The following PRKAG2 variants were observed in gnomAD, a reference collection of about 807,000 sequenced individuals.
The protein encoded by PRKAG2 is protein kinase AMP-activated non-catalytic subunit gamma 2, also known as 5'-AMP-activated protein kinase subunit gamma-2.
In PRKAG2, 26 loss-of-function variants were observed where a neutral mutation model predicts 69.6. The observed-to-expected ratio is 0.37, with a 90% CI of 0.27 to 0.52. PRKAG2 has a LOEUF of 0.52. Ranked by LOEUF, PRKAG2 falls within the 20% of genes least tolerant of loss-of-function variation. The pLI is 0.90. For missense variants in PRKAG2, 557 were observed against 740.0 expected (o/e 0.75, Z 2.87); for synonymous variants, 293 against 285.0 (o/e 1.03, Z -0.28).
intron 1 of PRKAG2, among the ~76,000 whole-genome samples, chr7:151,851,965 G>T (rs1474441228): frequency 1.3e-5 from 2 of 152,220 alleles, no homozygotes; most frequent in Non-Finnish European, 2.9e-5. Context: ...GCAGGGGGCA[G>T]TGAGGGGAGG....
intron 1 of PRKAG2, among the ~76,000 whole-genome samples, chr7:151,795,077 C>T (rs1051445961): frequency 6.6e-6 from 1 of 152,234 alleles, no homozygotes; most frequent in African/African-American, 2.4e-5. Context: ...CTCTTACAGG[C>T]AGCTGCTCCC....
Position 151,632,808 on chromosome 7 carries a change from A to AT in PRKAG2, c.685-671dup, listed in dbSNP as rs113654522. 9.9e-3 allele frequency: 1,495 copies of AT among 150,318 alleles called. 12 individuals carry two copies. Among genetic ancestry groups the AT allele is most frequent in the African/African-American group, 0.026 (1,048 of 40,384 alleles). The allele number at this position is 150,318 out of a possible 1,614,324, so 9.3% of individuals were successfully genotyped here. A position where few individuals can be genotyped will look rare whatever the true frequency, so the allele number is the denominator to read the frequency against. On this transcript the variant is annotated intron_variant, in intron 4 of 15. Transcript: ENST00000287878. The surrounding 1 kb of genome is among the most constrained non-coding windows in gnomAD (Gnocchi z 4.2). ...TTGTAGATGCACTTTGTCGCTATCC[A>AT]TTTTTTTTTTTCCAGCATGGAACTC...
intron 3 of PRKAG2, among the ~76,000 whole-genome samples, chr7:151,729,068 G>A (rs1273978965): frequency 6.6e-6 from 1 of 151,674 alleles, no homozygotes; most frequent in Non-Finnish European, 1.5e-5. Context: ...TGGGCCACTT[G>A]TCCAGGGTTC....
chr7:151,595,564 G>T, intron 5 of PRKAG2, 110 bp from the exon 6 acceptor site: 2 of 795,940 alleles, frequency 2.5e-6, no homozygotes, highest in Non-Finnish European at 2.1e-6. Flanking sequence ...AATACGAAAT[G>T]TTTTCCCAGT....
At chr7:151,869,886 G>A (rs1040536677) in intron 1 of PRKAG2, among the ~76,000 whole-genome samples, 7 of 152,196 alleles carry the variant, frequency 4.6e-5, no homozygotes, top group Admixed American at 2.0e-4. Context: ...CATACTCTGG[G>A]CCCTATTGGA....
intron 11 of PRKAG2, among the ~76,000 whole-genome samples, chr7:151,568,385 TTA>T (rs1291664956): frequency 6.6e-6 from 1 of 152,258 alleles, no homozygotes; most frequent in African/African-American, 2.4e-5. Context: ...TTAGTTCAGT[TTA>T]TCTTGTACAA....
intron 3 of PRKAG2, among the ~76,000 whole-genome samples, chr7:151,773,019 AAGAAAGAGAGAGAGAGAGAGAGAG>A (rs2076105391): frequency 4.2e-5 from 1 of 23,544 alleles, no homozygotes; most frequent in African/African-American, 2.2e-4. Flanking sequence ...GAAAGAAAGA[AAGAAAGAGAGAGAGAGAGAGAGAG>A]AGAGAGAGAG....
intron 3 of PRKAG2, among the ~76,000 whole-genome samples, chr7:151,732,754 A>G (rs1799160831): frequency 6.6e-6 from 1 of 152,128 alleles, no homozygotes; most frequent in Admixed American, 6.5e-5. Context: ...GTGCAATGGC[A>G]TAATCTTGGC....
chr7:151,731,345 A>G (rs757546832), intron 3 of PRKAG2, among the ~76,000 whole-genome samples: 1 of 152,188 alleles, frequency 6.6e-6, no homozygotes, highest in Non-Finnish European at 1.5e-5. Flanking sequence ...AGAGAGGGGT[A>G]AGGGCTGAGC....
At chr7:151,675,141 G>C (rs947073403) in intron 4 of PRKAG2, 1 of 410,400 alleles carries the variant, frequency 2.4e-6, no homozygotes, top group Non-Finnish European at 4.7e-6. Context: ...GGCTGGTCTC[G>C]AACTCCTGGC....
intron 1 of PRKAG2, among the ~76,000 whole-genome samples, chr7:151,818,723 C>A (rs1048018121): frequency 6.6e-6 from 1 of 152,270 alleles, no homozygotes; most frequent in Non-Finnish European, 1.5e-5. Flanking sequence ...GGGCTCAAGG[C>A]CCAGCCTCAT....
chr7:151,675,273 C>CTG, intron 4 of PRKAG2, 147 bp downstream of exon 4: 1 of 840,946 alleles, frequency 1.2e-6, no homozygotes, highest in Non-Finnish European at 2.0e-6. Context: ...CTCCCTCAGC[C>CTG]TGTGATTTAT....
intron 3 of PRKAG2, among the ~76,000 whole-genome samples, chr7:151,703,078 C>T (rs1380425202): frequency 6.6e-6 from 1 of 152,196 alleles, no homozygotes; most frequent in East Asian, 1.9e-4. Context: ...AAAGGGAACA[C>T]CTGGCAGAAG....
intron 5 of PRKAG2, among the ~76,000 whole-genome samples, chr7:151,617,380 C>T (rs1000552481): frequency 2.0e-5 from 3 of 151,454 alleles, no homozygotes; most frequent in Non-Finnish European, 2.9e-5. Flanking sequence ...GCAAATAATC[C>T]GAGTGTGGGG....
intron 3 of PRKAG2, among the ~76,000 whole-genome samples, chr7:151,774,154 G>A (rs1385174857): frequency 1.3e-5 from 2 of 152,146 alleles, no homozygotes; most frequent in Admixed American, 6.5e-5. Flanking sequence ...TGGTGGCTAG[G>A]AGTATGATGA....
intron 3 of PRKAG2, among the ~76,000 whole-genome samples, chr7:151,682,373 C>G (rs115023519): frequency 6.6e-6 from 1 of 151,912 alleles, no homozygotes; most frequent in African/African-American, 2.4e-5. Context: ...CCTGAGTAGC[C>G]GGAACTCCAG....
chr7:151,859,542 G>A (rs924837627), intron 1 of PRKAG2, among the ~76,000 whole-genome samples: 1 of 152,232 alleles, frequency 6.6e-6, no homozygotes, highest in African/African-American at 2.4e-5. Context: ...TTAGCGAATA[G>A]GGAAGACTTC....
intron 5 of PRKAG2, among the ~76,000 whole-genome samples, chr7:151,597,091 A>G (rs767104740): frequency 2.0e-5 from 3 of 152,230 alleles, no homozygotes; most frequent in Non-Finnish European, 2.9e-5. Flanking sequence ...CACACAGACA[A>G]AGAGAATTAG....
chr7:151,700,373 C>T (rs533996160), intron 3 of PRKAG2, among the ~76,000 whole-genome samples: 91 of 152,214 alleles, frequency 6.0e-4, no homozygotes, highest in African/African-American at 2.1e-3. Flanking sequence ...GACCTCCAGG[C>T]CCCCACCCCA....
Sources: allele counts gnomAD v4.1 joint callset (sites outside exome capture counted in the v4.1 genomes callset), GRCh38; gene constraint gnomAD v4.1.1; non-coding constraint Gnocchi (gnomAD v3.1); transcripts MANE v1.5; gene names NCBI Gene and HGNC (gene_info 2026-07-23, HGNC 2026-07-21).